UBASH3A: variants seen among roughly 807,000 people sequenced by gnomAD.
The protein encoded by UBASH3A is ubiquitin-associated and SH3 domain-containing protein A.
A neutral mutation model predicts 73.5 loss-of-function variants in UBASH3A; 63 were observed. That is an observed-to-expected ratio of 0.86 (90% CI 0.70 to 1.06). The LOEUF (loss-of-function observed/expected upper bound fraction) is 1.06. Ranked by LOEUF, UBASH3A falls within the 50% of genes least tolerant of loss-of-function variation. UBASH3A has a pLI of 0.00. For synonymous variants in UBASH3A, 363 were observed against 351.1 expected, an observed-to-expected ratio of 1.03 and a Z score of -0.38; for missense variants, 860 against 859.0, an observed-to-expected ratio of 1.00 and a Z score of -0.02.
chr21:42,410,301 T>G, intron 3 of UBASH3A: 1 of 618,688 alleles, frequency 1.6e-6, no homozygotes, highest in Non-Finnish European at 2.9e-6. Flanking sequence ...CCAGAGGGGC[T>G]TAAGGAAGGG....
At chr21:42,410,077 G>T (rs1181361695) in intron 3 of UBASH3A, 5 of 702,250 alleles carry the variant, frequency 7.1e-6, no homozygotes, top group South Asian at 1.5e-5. Flanking sequence ...ATGGGTGATT[G>T]TTGGCTACCC....
Position 42,409,583 on chromosome 21 carries a change from A to G in UBASH3A, c.329A>G (p.His110Arg). 6.2e-7 allele frequency: 1 copy of G among 1,612,534 alleles called. No homozygotes were observed. The highest frequency in any genetic ancestry group is 8.5e-7 in the Non-Finnish European group (1 of 1,179,478). Residue 110 changes from histidine to arginine, a missense_variant, in exon 3 of 15, where the codon CAC (histidine) becomes CGC (arginine). His to Arg is a conservative substitution (Grantham distance 29). Coordinates refer to ENST00000319294, the MANE Select transcript of UBASH3A (RefSeq NM_018961.4). ...AKNRAHEVFP[H>R]VTLCDFFTCE... Reference sequence around the variant, plus strand: ...AACAGAGCTCATGAGGTCTTCCCACACGTGACACTCTGTGACTTCTTCACG... The same window carrying G: ...AACAGAGCTCATGAGGTCTTCCCACGCGTGACACTCTGTGACTTCTTCACG...
rs1275662777 is a variant in UBASH3A, at chr21:42,426,681, T to C, written c.1047-16T>C. The C allele has an allele frequency of 6.2e-7, 1 of 1,612,970 alleles. No homozygotes were observed. The highest frequency in any genetic ancestry group is 2.2e-5 in the East Asian group (1 of 44,886). On this transcript the variant is annotated splice_polypyrimidine_tract_variant and intron_variant, in intron 7 of 14. Coordinates refer to ENST00000319294, the MANE Select transcript of UBASH3A (RefSeq NM_018961.4). ...GGTCTCACTTCTGTTCAAGCCGTGC[T>C]TTCCTTCCCCTGCAGGATGTACACC...
chr21:42,416,924 C>T (rs113538990), intron 6 of UBASH3A, among the ~76,000 whole-genome samples: 2,620 of 151,890 alleles, frequency 0.017, 79 homozygotes, highest in African/African-American at 0.059. Flanking sequence ...CAGAGCGAGA[C>T]GTCTCAAAAA....
rs377294790 is a variant in UBASH3A at position 42,409,507 on chromosome 21, C to G, written c.253C>G (p.Leu85Val). ...ALFLCPTGPL[L>V]EKLQEFWRES... Reference sequence around the variant, plus strand: ...TTTCCTCTGTCCAACGGGGCCCCTGCTGGAAAAACTTCAAGAGTTCTGGAG... The same window carrying G: ...TTTCCTCTGTCCAACGGGGCCCCTGGTGGAAAAACTTCAAGAGTTCTGGAG... The change falls in exon 3 of 15, where the codon CTG becomes GTG. Residue 85 changes from leucine (L) to valine (V), a missense_variant. Coordinates refer to ENST00000319294, the MANE Select transcript of UBASH3A (RefSeq NM_018961.4). The G allele has an allele frequency of 3.7e-6, 6 of 1,614,150 alleles. No individual in the cohort carries two copies. In the Admixed American group the frequency reaches 8.3e-5, roughly 22 times the overall value.
At chr21:42,414,774 C>T (rs2053168990) in intron 5 of UBASH3A, among the ~76,000 whole-genome samples, 1 of 152,178 alleles carries the variant, frequency 6.6e-6, no homozygotes, top group African/African-American at 2.4e-5. Context: ...ACAGCCCTGC[C>T]AACACCTTGA....
At chr21:42,436,198 G>A (rs1177158353) in intron 10 of UBASH3A, among the ~76,000 whole-genome samples, 1 of 152,182 alleles carries the variant, frequency 6.6e-6, no homozygotes, top group South Asian at 2.1e-4. Context: ...TAGAGTTATA[G>A]AGCTATAGAG....
intron 14 of UBASH3A, among the ~76,000 whole-genome samples, chr21:42,446,391 C>T (rs1240527336): frequency 6.6e-6 from 1 of 152,198 alleles, no homozygotes; most frequent in Non-Finnish European, 1.5e-5. Context: ...CGCCCACAGC[C>T]TCTGCAAGCG....
chr21:42,410,061 T>A, intron 3 of UBASH3A: 1 of 701,950 alleles, frequency 1.4e-6, no homozygotes. Flanking sequence ...GTAAGTCAAC[T>A]CAAGGATGGG....
rs140496237 is a variant in UBASH3A at position 42,440,139 on chromosome 21, G to A, written c.1487-2313G>A. ...AGCCATGACCCCAGCCCAGGTGACA[G>A]GGTCCCGCGATGTCCGCCTCTCCCT... On this transcript the variant is annotated intron_variant, in intron 11 of 14. Transcript: ENST00000319294. Among the ~76,000 whole-genome samples the A allele has an allele frequency of 4.8e-3, 729 of 152,358 alleles. 4 individuals are homozygous for A. Among genetic ancestry groups the A allele is most frequent in the African/African-American group, 0.017 (700 of 41,576 alleles).
intron 11 of UBASH3A, 93 bp from the exon 12 acceptor site, chr21:42,442,359 T>G: frequency 4.7e-6 from 6 of 1,272,026 alleles, no homozygotes; most frequent in Non-Finnish European, 6.7e-6. Flanking sequence ...TTTAGACGTG[T>G]GTGTGACGGT....
At chr21:42,411,958 G>A (rs934678952) in intron 3 of UBASH3A, among the ~76,000 whole-genome samples, 13 of 152,196 alleles carry the variant, frequency 8.5e-5, no homozygotes, top group Non-Finnish European at 7.3e-5. Context: ...ATGGGGAGAC[G>A]GAAGCTGCAT....
chr21:42,444,648 G>A lies in UBASH3A; in HGVS notation c.1848+5G>A, dbSNP rs373016705. 9.6e-5 allele frequency: 154 copies of A among 1,606,600 alleles called. No individual in the cohort carries two copies. The highest frequency in any genetic ancestry group is 8.9e-5 in the East Asian group (4 of 44,850). On this transcript the variant is annotated splice_donor_5th_base_variant and intron_variant, in intron 14 of 14. Transcript: ENST00000319294. ...TTTGCCCAACTCGTGAGAAAGGTAC[G>A]CGCCCACTCTTGGCTCTTTGGGCCA...
At chr21:42,406,841 T>C (rs1308491994) in intron 2 of UBASH3A, among the ~76,000 whole-genome samples, 1 of 152,230 alleles carries the variant, frequency 6.6e-6, no homozygotes, top group Non-Finnish European at 1.5e-5. Context: ...TTTGATTATG[T>C]CCTCCTCAAC....
At chr21:42,432,348 G>A (rs528330554) in intron 9 of UBASH3A, 146 bp downstream of exon 9, 13 of 538,254 alleles carry the variant, frequency 2.4e-5, no homozygotes, top group Admixed American at 5.9e-5. Context: ...TGTGGAAAAC[G>A]TGCCTGCTAC....
rs575201644 is a variant in UBASH3A at position 42,432,652 on chromosome 21, A to C, written c.1270+450A>C. Among the ~76,000 whole-genome samples the C allele has an allele frequency of 7.9e-5, 12 of 152,368 alleles. No individual in the cohort carries two copies. In the East Asian group the frequency reaches 2.3e-3, roughly 29 times the overall value. On this transcript the variant is annotated intron_variant, in intron 9 of 14. Transcript: ENST00000319294. ...CAATTTCTAAGCCATGACCCATTAC[A>C]TAAATTAAGGCATTGAATGTAGTGA...
At chr21:42,406,211 C>T (rs530235998) in intron 1 of UBASH3A, 97 bp from the exon 2 acceptor site, 3 of 1,002,792 alleles carry the variant, frequency 3.0e-6, no homozygotes, top group Non-Finnish European at 4.8e-6. Flanking sequence ...AGAGCACCCC[C>T]CAAAGATCCT....
chr21:42,413,064 A>G lies in UBASH3A; in HGVS notation c.395A>G (p.Lys132Arg). ...QKVECLYEAL[K>R]RAGDRLLGSF... ...GTGGAATGCCTGTACGAGGCGCTGA[A>G]GAGAGCTGGAGACAGGCTCCTGGGC... The change falls in exon 4 of 15, where the codon AAG (lysine) becomes AGG (arginine). Residue 132 changes from lysine to arginine, a missense_variant. Coordinates refer to ENST00000319294, the MANE Select transcript of UBASH3A (RefSeq NM_018961.4). This position sits in a 1 kb window ranked among gnomAD's most constrained non-coding sequence, Gnocchi z 4.5. 7.4e-6 allele frequency: 12 copies of G among 1,614,252 alleles called. No homozygotes were observed. Among genetic ancestry groups the G allele is most frequent in the Non-Finnish European group, 1.0e-5 (12 of 1,180,050 alleles).
intron 7 of UBASH3A, among the ~76,000 whole-genome samples, chr21:42,420,393 T>G (rs1304817404): frequency 1.3e-5 from 2 of 152,236 alleles, no homozygotes; most frequent in Non-Finnish European, 2.9e-5. Flanking sequence ...TTTTAATTGA[T>G]TAATCTTTTG....
Sources: gnomAD v4.1 joint callset for allele counts (sites outside exome capture counted in the v4.1 genomes callset) on GRCh38, gnomAD v4.1.1 for gene constraint, Gnocchi (gnomAD v3.1) non-coding constraint, MANE v1.5 for transcripts, NCBI Gene and HGNC (gene_info 2026-07-23, HGNC 2026-07-21) for gene names.